ROBO2: variants seen among roughly 807,000 people sequenced by gnomAD.
ROBO2 encodes the protein roundabout homolog 2.
ROBO2 carries 53 observed loss-of-function variants against 160.8 expected under a neutral mutation model. The ratio of observed to expected loss-of-function variants is 0.33; its 90% CI spans 0.26 to 0.41. The LOEUF (loss-of-function observed/expected upper bound fraction) is 0.41, where lower values mean the gene tolerates loss of function less well. Among genes scored for constraint, ROBO2 ranks in the 10% least tolerant of loss-of-function variants. The pLI, the probability that ROBO2 is intolerant of heterozygous loss-of-function variation, is 1.00. For missense variants in ROBO2, 1,577 were observed against 1,722.4 expected (o/e 0.92, Z 1.49); for synonymous variants, 664 against 611.7 (o/e 1.09, Z -1.26).
At chr3:76,633,406 G>C (rs542870659) in intron 2 of ROBO2, among the ~76,000 whole-genome samples, 7 of 152,110 alleles carry the variant, frequency 4.6e-5, no homozygotes, top group African/African-American at 1.4e-4. Flanking sequence ...TTTATTTTGG[G>C]GTAAAATGTG....
At chr3:77,592,142 T>A (rs1014514594) in intron 17 of ROBO2, among the ~76,000 whole-genome samples, 1 of 152,132 alleles carries the variant, frequency 6.6e-6, no homozygotes. Context: ...CCCATTAAGA[T>A]AAGGGTTTTT....
intron 2 of ROBO2, among the ~76,000 whole-genome samples, chr3:76,983,284 C>G (rs2060195067): frequency 6.6e-6 from 1 of 150,830 alleles, no homozygotes; most frequent in Non-Finnish European, 1.5e-5. Flanking sequence ...GAGACTCCGT[C>G]TCAAAAAAAA....
chr3:76,396,601 A>G (rs1445538536), intron 2 of ROBO2, among the ~76,000 whole-genome samples: 1 of 152,206 alleles, frequency 6.6e-6, no homozygotes, highest in African/African-American at 2.4e-5. Flanking sequence ...AATCTCCTTA[A>G]GCTGATAAGC....
At chr3:75,953,190 A>C (rs1429383600) in intron 2 of ROBO2, among the ~76,000 whole-genome samples, 1 of 151,962 alleles carries the variant, frequency 6.6e-6, no homozygotes, top group Admixed American at 6.6e-5. Flanking sequence ...AGAAACTGCC[A>C]AACTGACTCC....
chr3:76,562,625 C>T (rs988350241), intron 2 of ROBO2, among the ~76,000 whole-genome samples: 2 of 152,106 alleles, frequency 1.3e-5, no homozygotes, highest in African/African-American at 4.8e-5. Context: ...CGCCATCCTC[C>T]AATGATTCTA....
At chr3:76,215,604 T>A (rs376313596) in intron 2 of ROBO2, among the ~76,000 whole-genome samples, 1 of 151,966 alleles carries the variant, frequency 6.6e-6, no homozygotes, top group Non-Finnish European at 1.5e-5. Context: ...AAGAGAAGTT[T>A]AGAGAAAAAA....
At chr3:76,535,654 TAA>T (rs2082453924) in intron 2 of ROBO2, among the ~76,000 whole-genome samples, 1 of 151,764 alleles carries the variant, frequency 6.6e-6, no homozygotes, top group Non-Finnish European at 1.5e-5. Context: ...TGGGGATAAT[TAA>T]AAAAGAGTGT....
chr3:76,870,577 T>C (rs1489387032), intron 2 of ROBO2, among the ~76,000 whole-genome samples: 2 of 152,196 alleles, frequency 1.3e-5, no homozygotes, highest in African/African-American at 2.4e-5. Flanking sequence ...CACTAGACTA[T>C]GAACACCTAG....
At chr3:77,492,285 C>G (rs529712083) in intron 4 of ROBO2, among the ~76,000 whole-genome samples, 1 of 152,268 alleles carries the variant, frequency 6.6e-6, no homozygotes, top group African/African-American at 2.4e-5. Context: ...TTTCCAGTCT[C>G]AGACCATTAT....
intron 1 of ROBO2, among the ~76,000 whole-genome samples, chr3:77,083,554 G>C (rs2068916354): frequency 6.6e-6 from 1 of 152,116 alleles, no homozygotes; most frequent in Non-Finnish European, 1.5e-5. Context: ...ACCTGGAAGA[G>C]AGAAACGATG....
intron 2 of ROBO2, among the ~76,000 whole-genome samples, chr3:76,966,858 G>T (rs1360693607): frequency 1.3e-5 from 2 of 152,224 alleles, no homozygotes; most frequent in Non-Finnish European, 2.9e-5. Flanking sequence ...GGAGGTTAAT[G>T]TATAGCAGAA....
chr3:77,316,824 T>C, intron 2 of ROBO2: 1 of 1,309,562 alleles, frequency 7.6e-7, no homozygotes, highest in Non-Finnish European at 1.1e-6. Flanking sequence ...CCAGGAGAGC[T>C]GACAGTGTCA....
At chr3:76,150,064 ACACT>A (rs1377231729) in intron 2 of ROBO2, among the ~76,000 whole-genome samples, 1 of 107,290 alleles carries the variant, frequency 9.3e-6, no homozygotes, top group Non-Finnish European at 1.9e-5. Flanking sequence ...TCTGTTTAAA[ACACT>A]CATCTGTCTA....
chr3:76,559,877 G>T (rs2084051923), intron 2 of ROBO2, among the ~76,000 whole-genome samples: 1 of 151,984 alleles, frequency 6.6e-6, no homozygotes, highest in African/African-American at 2.4e-5. Flanking sequence ...TCTTCCCCAA[G>T]TCATCTCCAG....
In ROBO2 at chr3:76,823,765, A is replaced by C. The variant is rs371977436; in HGVS notation, c.110-274249A>C. Among the ~76,000 whole-genome samples, 7 of 152,282 alleles carry C rather than the reference A, an allele frequency of 4.6e-5. No individual in the cohort carries two copies. In the East Asian group the frequency reaches 1.4e-3, roughly 29 times the overall value. On this transcript the variant is annotated intron_variant, in intron 2 of 26. Coordinates refer to the ROBO2 transcript ENST00000487694. ...GGACAGACATTTGGATATGACACCA[A>C]TGGAGGAGAAGGGGAGATAACGGAA...
intron 2 of ROBO2, among the ~76,000 whole-genome samples, chr3:76,749,812 A>T (rs1315217247): frequency 6.6e-6 from 1 of 151,866 alleles, no homozygotes; most frequent in Non-Finnish European, 1.5e-5. Flanking sequence ...CAGGTTTAAG[A>T]TGGCACAACC....
intron 2 of ROBO2, among the ~76,000 whole-genome samples, chr3:76,026,890 G>A (rs1375392936): frequency 6.6e-6 from 1 of 151,802 alleles, no homozygotes; most frequent in Non-Finnish European, 1.5e-5. Flanking sequence ...AAGACATTTT[G>A]GACTGCCTCG....
At chr3:76,563,256 TTAAG>T (rs1195826730) in intron 2 of ROBO2, among the ~76,000 whole-genome samples, 1 of 152,160 alleles carries the variant, frequency 6.6e-6, no homozygotes, top group Admixed American at 6.5e-5. Flanking sequence ...CATTTCTTCT[TTAAG>T]TGTGATTTTC....
chr3:76,754,876 C>T (rs2060879702), intron 2 of ROBO2, among the ~76,000 whole-genome samples: 1 of 151,850 alleles, frequency 6.6e-6, no homozygotes, highest in African/African-American at 2.4e-5. Context: ...ATTTTAAAAT[C>T]TAATGAAGAA....
Sources: allele counts gnomAD v4.1 joint callset (sites outside exome capture counted in the v4.1 genomes callset), GRCh38; gene constraint gnomAD v4.1.1; transcripts MANE v1.5; gene names NCBI Gene and HGNC (gene_info 2026-07-23, HGNC 2026-07-21).